Variants in SEMA4D observed in about 807,000 individuals in gnomAD.
SEMA4D encodes the protein semaphorin-4D.
In SEMA4D, 22 loss-of-function variants were observed where a neutral mutation model predicts 74.8. The observed-to-expected ratio is 0.29, with a 90% CI of 0.21 to 0.42. SEMA4D has a LOEUF of 0.42. Among genes scored for constraint, SEMA4D ranks in the 10% least tolerant of loss-of-function variants. SEMA4D has a pLI of 1.00. For missense variants in SEMA4D, 937 were observed against 1,118.4 expected, an observed-to-expected ratio of 0.84 and a Z score of 2.31; for synonymous variants, 445 against 463.7, an observed-to-expected ratio of 0.96 and a Z score of 0.52.
rs1226063732 is a variant in SEMA4D at position 89,377,437 on chromosome 9, C to T, written c.*1267G>A. 1.8e-5 allele frequency: 3 copies of T among 164,360 alleles called. No individual in the cohort carries two copies. Among genetic ancestry groups the T allele is most frequent in the Non-Finnish European group, 3.9e-5 (3 of 76,272 alleles). The allele number at this position is 164,360 out of a possible 1,614,324, so 10.2% of individuals were successfully genotyped here. Reference sequence around the variant, plus strand: ...GCTCTTCACCATGGAAAAAAAGTCTCTTCCCGATGGGTATTTACAAAGCGG... The same window carrying T: ...GCTCTTCACCATGGAAAAAAAGTCTTTTCCCGATGGGTATTTACAAAGCGG... On this transcript the variant is annotated 3_prime_UTR_variant, in exon 16 of 16. Transcript: ENST00000422704.
chr9:89,458,105 G>A (rs1380989384), intron 1 of SEMA4D, among the ~76,000 whole-genome samples: 3 of 152,182 alleles, frequency 2.0e-5, no homozygotes, highest in Non-Finnish European at 4.4e-5. Flanking sequence ...AACTGCCCAA[G>A]ACAGAATAAA....
intron 1 of SEMA4D, among the ~76,000 whole-genome samples, chr9:89,475,480 C>A (rs1234283110): frequency 2.0e-5 from 3 of 152,230 alleles, no homozygotes; most frequent in African/African-American, 7.2e-5. Context: ...CTGAGTCCCT[C>A]CTACCTCTGT....
intron 16 of SEMA4D, among the ~76,000 whole-genome samples, chr9:89,372,019 T>G (rs1227502976): frequency 2.7e-4 from 1 of 3,730 alleles, no homozygotes; most frequent in Admixed American, 4.0e-3. Flanking sequence ...GGTGTGTGTC[T>G]GGGGTGTGGT....
At chr9:89,415,207 TC>T (rs1254467471) in intron 2 of SEMA4D, among the ~76,000 whole-genome samples, 1 of 152,182 alleles carries the variant, frequency 6.6e-6, no homozygotes, top group Non-Finnish European at 1.5e-5. Flanking sequence ...TGTGCATGCA[TC>T]CTTGGGCCCA....
downstream of SEMA4D, among the ~76,000 whole-genome samples, chr9:89,372,837 G>T (rs1277298581): frequency 6.6e-6 from 1 of 152,000 alleles, no homozygotes; most frequent in Non-Finnish European, 1.5e-5. Flanking sequence ...CACCCCTAGG[G>T]TGTCCCAGGG....
chr9:89,486,988 T>C (rs1825247123), intron 1 of SEMA4D, among the ~76,000 whole-genome samples: 1 of 152,004 alleles, frequency 6.6e-6, no homozygotes, highest in African/African-American at 2.4e-5. Context: ...TATTCAAAAA[T>C]AGTAAGAGGA....
At chr9:89,462,960 GCGA>G (rs1471354655) in intron 1 of SEMA4D, among the ~76,000 whole-genome samples, 6 of 90,112 alleles carry the variant, frequency 6.7e-5, no homozygotes, top group African/African-American at 1.3e-4. Flanking sequence ...GGAGGGGGGA[GCGA>G]GCGAGGGGAG....
chr9:89,434,457 T>C (rs563770576), intron 2 of SEMA4D, among the ~76,000 whole-genome samples: 2 of 152,352 alleles, frequency 1.3e-5, no homozygotes, highest in East Asian at 3.9e-4. Flanking sequence ...AATGTTAGTC[T>C]GTCTTTTCTC....
At chr9:89,482,946 T>C (rs949735379) in intron 1 of SEMA4D, among the ~76,000 whole-genome samples, 1 of 152,222 alleles carries the variant, frequency 6.6e-6, no homozygotes, top group Non-Finnish European at 1.5e-5. Flanking sequence ...ATAAAACCTG[T>C]GCCCACTGGC....
At chr9:89,476,211 G>A (rs964222583) in intron 1 of SEMA4D, among the ~76,000 whole-genome samples, 4 of 152,184 alleles carry the variant, frequency 2.6e-5, no homozygotes, top group Non-Finnish European at 5.9e-5. Flanking sequence ...GCTTCTGGGA[G>A]CAGGGCAACA....
rs553572985 is a variant in SEMA4D at position 89,484,200 on chromosome 9, G to A, written c.-310+13719C>T. ...TGGGCTGCATCTGGGAGAGGCAAGCGAGGGGCCGGCCAGCTTCACTGCCTG... is the reference window on the plus strand; with the variant it reads ...TGGGCTGCATCTGGGAGAGGCAAGCAAGGGGCCGGCCAGCTTCACTGCCTG... On this transcript the variant is annotated intron_variant, in intron 1 of 15. Coordinates refer to ENST00000422704, the MANE Select transcript of SEMA4D (RefSeq NM_001371194.2). The surrounding 1 kb of genome is among the most constrained non-coding windows in gnomAD (Gnocchi z 4.1). 3.9e-5 allele frequency among the ~76,000 whole-genome samples: 6 copies of A among 152,242 alleles called. No homozygotes were observed. Among genetic ancestry groups the A allele is most frequent in the African/African-American group, 9.6e-5 (4 of 41,472 alleles).
rs575930446 is a variant in SEMA4D, at chr9:89,467,688, C to T, written c.-309-11735G>A. Among the ~76,000 whole-genome samples, 171 of 152,158 alleles carry T rather than the reference C, an allele frequency of 1.1e-3. 1 individual carries two copies. Among genetic ancestry groups the T allele is most frequent in the African/African-American group, 3.5e-3 (146 of 41,488 alleles). The stretch of plus-strand genomic sequence containing the variant: ...CTGGGATTGTAGGTGCGCACCATCA[C>T]GCCCAGCTAATTTTTGTATTTTTAG... On this transcript the variant is annotated intron_variant, in intron 1 of 15. Transcript: ENST00000422704.
At chr9:89,441,795 C>G (rs1851725671) in intron 2 of SEMA4D, among the ~76,000 whole-genome samples, 1 of 152,194 alleles carries the variant, frequency 6.6e-6, no homozygotes, top group South Asian at 2.1e-4. Flanking sequence ...CTCCCACACT[C>G]CCATCCCAGC....
chr9:89,474,359 A>G (rs1449618562), intron 1 of SEMA4D, among the ~76,000 whole-genome samples: 2 of 129,624 alleles, frequency 1.5e-5, no homozygotes, highest in Admixed American at 7.6e-5. Context: ...TCGAATCCAA[A>G]TAAGAACATC....
chr9:89,444,110 T>G (rs1852278421), intron 2 of SEMA4D, among the ~76,000 whole-genome samples: 1 of 152,198 alleles, frequency 6.6e-6, no homozygotes, highest in African/African-American at 2.4e-5. Context: ...TGCTTTACAT[T>G]TATTGTCCTA....
chr9:89,378,865 C>A lies in SEMA4D; in HGVS notation c.2428G>T (p.Ala810Ser). ...SQQNGEHPKPALDTGYETEQD... is the reference protein window; with the variant it reads ...SQQNGEHPKPSLDTGYETEQD... Reference sequence around the variant, plus strand: ...TCGGTCTCATAGCCGGTGTCCAGGGCTGGCTTGGGGTGCTCCCCATTCTGC... The same window carrying A: ...TCGGTCTCATAGCCGGTGTCCAGGGATGGCTTGGGGTGCTCCCCATTCTGC... The change falls in exon 16 of 16, where the codon GCC becomes TCC. Residue 810 changes from alanine (A) to serine (S), a missense_variant. Physicochemically the swap from Ala to Ser is moderately conservative, Grantham distance 99. Transcript: ENST00000422704. 6.2e-7 allele frequency: 1 copy of A among 1,614,234 alleles called. No homozygotes were observed. Among genetic ancestry groups the A allele is most frequent in the Non-Finnish European group, 8.5e-7 (1 of 1,180,042 alleles).
intron 1 of SEMA4D, among the ~76,000 whole-genome samples, chr9:89,478,262 T>TG (rs1438864267): frequency 1.3e-5 from 2 of 152,160 alleles, no homozygotes; most frequent in African/African-American, 4.8e-5. Context: ...GTTATCTGAG[T>TG]GGGCCCTAAA....
At chr9:89,421,422 G>A (rs934372754) in intron 2 of SEMA4D, among the ~76,000 whole-genome samples, 6 of 152,176 alleles carry the variant, frequency 3.9e-5, no homozygotes, top group South Asian at 2.1e-4. Flanking sequence ...ACATGTTTCC[G>A]CACCCTGCTG....
downstream of SEMA4D, among the ~76,000 whole-genome samples, chr9:89,375,756 A>G (rs960164435): frequency 2.0e-5 from 3 of 152,338 alleles, no homozygotes; most frequent in East Asian, 5.8e-4. Flanking sequence ...GGTTCTGGAC[A>G]TCTACTATCT....
Sources: gnomAD v4.1 joint callset for allele counts (sites outside exome capture counted in the v4.1 genomes callset) on GRCh38, gnomAD v4.1.1 for gene constraint, Gnocchi (gnomAD v3.1) non-coding constraint, MANE v1.5 for transcripts, NCBI Gene and HGNC (gene_info 2026-07-23, HGNC 2026-07-21) for gene names.